The following HDAC1 variants were observed in gnomAD, a reference collection of about 807,000 sequenced individuals.
The protein encoded by HDAC1 is protein deacetylase HDAC1.
HDAC1 carries 18 observed loss-of-function variants against 65.5 expected under a neutral mutation model. The ratio of observed to expected loss-of-function variants is 0.27; its 90% confidence interval spans 0.19 to 0.41. The LOEUF is 0.41. Ranked by LOEUF, HDAC1 falls within the 10% of genes least tolerant of loss-of-function variation. The pLI is 1.00. For synonymous variants in HDAC1, 211 were observed against 227.9 expected (o/e 0.93, Z 0.67); for missense variants, 373 against 625.2 (o/e 0.60, Z 4.30).
chr1:32,300,929 A>G (rs1640838863), intron 1 of HDAC1, among the ~76,000 whole-genome samples: 1 of 152,232 alleles, frequency 6.6e-6, no homozygotes, highest in South Asian at 2.1e-4. Context: ...ACAGCCATAG[A>G]GGAACTGTAA....
Position 32,329,260 on chromosome 1 carries a change from T to A in HDAC1, c.729+100T>A. ...CCATACCTCAGGAATCTCTCCTTAC[T>A]AAAGCTGGTGGGGAGATAGAAGTGT... On this transcript the variant is annotated intron_variant, in intron 7 of 13. Coordinates refer to ENST00000373548, the MANE Select transcript of HDAC1 (RefSeq NM_004964.3). The surrounding 1 kb of genome is among the most constrained non-coding windows in gnomAD (Gnocchi z 4.1). 1 of 786,620 alleles carries A rather than the reference T, an allele frequency of 1.3e-6. No individual in the cohort carries two copies. The highest frequency in any genetic ancestry group is 2.3e-6 in the Non-Finnish European group (1 of 434,212). The allele number at this position is 786,620 out of a possible 1,614,324, so 48.7% of individuals were successfully genotyped here.
intron 3 of HDAC1, among the ~76,000 whole-genome samples, chr1:32,321,746 C>T (rs995611963): frequency 5.9e-5 from 9 of 151,422 alleles, no homozygotes; most frequent in African/African-American, 2.2e-4. Flanking sequence ...TTTTTTCTCA[C>T]GTCCAAAACA....
intron 1 of HDAC1, among the ~76,000 whole-genome samples, chr1:32,297,900 C>T (rs1640790912): frequency 6.7e-6 from 1 of 149,212 alleles, no homozygotes; most frequent in Non-Finnish European, 1.5e-5. Flanking sequence ...CGCCATTCTC[C>T]TGCCTCAGCC....
chr1:32,318,516 T>C (rs1033500246), intron 3 of HDAC1, among the ~76,000 whole-genome samples: 1 of 151,806 alleles, frequency 6.6e-6, no homozygotes, highest in Non-Finnish European at 1.5e-5. Context: ...TGAGCCATGA[T>C]TGTACTACTG....
At chr1:32,319,853 T>A (rs1317729554) in intron 3 of HDAC1, among the ~76,000 whole-genome samples, 1 of 151,968 alleles carries the variant, frequency 6.6e-6, no homozygotes, top group African/African-American at 2.4e-5. Context: ...AGGGCTGCAT[T>A]GAGGTATGGT....
chr1:32,320,071 T>C (rs1264823635), intron 3 of HDAC1, among the ~76,000 whole-genome samples: 1 of 151,884 alleles, frequency 6.6e-6, no homozygotes, highest in African/African-American at 2.4e-5. Context: ...TTACAAAAAA[T>C]TAGCCGGACG....
Position 32,330,967 on chromosome 1 carries a change from T to C in HDAC1, c.979+59T>C. ...GGTGGGAGCTGGAGCTCATCTGTCC[T>C]TAAGTTTATAACCCCTTCCCCGTTG... On this transcript the variant is annotated intron_variant, in intron 9 of 13. Transcript: ENST00000373548. This position sits in a 1 kb window ranked among gnomAD's most constrained non-coding sequence, Gnocchi z 4.2. 1.3e-6 allele frequency: 2 copies of C among 1,570,910 alleles called. No individual in the cohort carries two copies. The highest frequency in any genetic ancestry group is 1.8e-6 in the Non-Finnish European group (2 of 1,142,212).
At chr1:32,309,457 C>T (rs1209673974) in intron 2 of HDAC1, among the ~76,000 whole-genome samples, 1 of 152,096 alleles carries the variant, frequency 6.6e-6, no homozygotes, top group Non-Finnish European at 1.5e-5. Context: ...GAGGCCGAGG[C>T]AGGCGGATCA....
intron 3 of HDAC1, among the ~76,000 whole-genome samples, chr1:32,318,635 A>T (rs1215043371): frequency 6.6e-6 from 1 of 152,054 alleles, no homozygotes; most frequent in East Asian, 1.9e-4. Flanking sequence ...AATATATATA[A>T]TATGTCTACC....
At position 32,316,776 on chromosome 1, in the gene HDAC1, C is replaced by G; in HGVS notation, c.274C>G (p.Gln92Glu). The change falls in exon 3 of 14, where the codon CAG becomes GAG. Residue 92 changes from glutamine to glutamate, a missense_variant. Coordinates refer to ENST00000373548, the MANE Select transcript of HDAC1 (RefSeq NM_004964.3). ...CATGTCGGAGTACAGCAAGCAGATG[C>G]AGAGATGTAAGTCCATTCTGTTCCC... ...DNMSEYSKQMQRFNVGEDCPV... is the reference protein window; with the variant it reads ...DNMSEYSKQMERFNVGEDCPV... 1 of 1,593,316 alleles carries G rather than the reference C, an allele frequency of 6.3e-7. No individual in the cohort carries two copies. Among genetic ancestry groups the G allele is most frequent in the Non-Finnish European group, 8.6e-7 (1 of 1,161,054 alleles).
intron 2 of HDAC1, among the ~76,000 whole-genome samples, chr1:32,315,820 G>A (rs891719327): frequency 6.0e-5 from 9 of 149,102 alleles, no homozygotes; most frequent in African/African-American, 2.2e-4. Flanking sequence ...ACAAAAATTA[G>A]CCAGCGTCGT....
At chr1:32,292,273 T>A (rs1640708597) in intron 1 of HDAC1, 55 bp downstream of exon 1, 5 of 1,544,438 alleles carry the variant, frequency 3.2e-6, no homozygotes. Flanking sequence ...ACCGGGAACC[T>A]GGAGGCTGAG....
At chr1:32,319,936 GC>G (rs1160871027) in intron 3 of HDAC1, among the ~76,000 whole-genome samples, 1 of 151,720 alleles carries the variant, frequency 6.6e-6, no homozygotes, top group African/African-American at 2.4e-5. Context: ...AACACACATG[GC>G]CAGGCGTGGT....
At chr1:32,303,969 A>G (rs1640881093) in intron 2 of HDAC1, among the ~76,000 whole-genome samples, 1 of 152,222 alleles carries the variant, frequency 6.6e-6, no homozygotes, top group Non-Finnish European at 1.5e-5. Flanking sequence ...AATGGTTCCC[A>G]GTTTTAACCT....
rs571270334 is a variant in HDAC1, at chr1:32,313,073, CTTATT to C, written c.163-3580_163-3576del. Among the ~76,000 whole-genome samples, 665 of 150,118 alleles carry C rather than the reference CTTATT, an allele frequency of 4.4e-3. 5 individuals are homozygous for C. Among genetic ancestry groups the C allele is most frequent in the African/African-American group, 0.015 (609 of 41,268 alleles). On this transcript the variant is annotated intron_variant, in intron 2 of 13. Coordinates refer to ENST00000373548, the MANE Select transcript of HDAC1 (RefSeq NM_004964.3). ...CTGGCCTGGAGAGATTGCCCAATAA[CTTATT>C]TTATTTTATTTATTTATTTATTTAT...
At chr1:32,311,681 T>C (rs546530948) in intron 2 of HDAC1, among the ~76,000 whole-genome samples, 1 of 151,976 alleles carries the variant, frequency 6.6e-6, no homozygotes, top group South Asian at 2.1e-4. Flanking sequence ...TCAGCCTGAG[T>C]GGATGTTGGT....
intron 3 of HDAC1, 54 bp from the exon 4 acceptor site, chr1:32,324,425 A>G: frequency 8.2e-7 from 1 of 1,221,636 alleles, no homozygotes; most frequent in Admixed American, 1.7e-5. Flanking sequence ...CAGCTCATAA[A>G]TATGTAAACT....
chr1:32,311,117 TTGG>T (rs1381837685), intron 2 of HDAC1, among the ~76,000 whole-genome samples: 1 of 151,830 alleles, frequency 6.6e-6, no homozygotes, highest in Non-Finnish European at 1.5e-5. Context: ...AGATAATACA[TTGG>T]TGGTAGTTTC....
intron 4 of HDAC1, 42 bp from the exon 5 acceptor site, chr1:32,326,897 G>C (rs1396466780): frequency 6.2e-7 from 1 of 1,607,092 alleles, no homozygotes; most frequent in Non-Finnish European, 8.5e-7. Context: ...GAAGGGGAGA[G>C]TGGCTTAGTA....
Sources: allele counts gnomAD v4.1 joint callset (sites outside exome capture counted in the v4.1 genomes callset), GRCh38; gene constraint gnomAD v4.1.1; non-coding constraint Gnocchi (gnomAD v3.1); transcripts MANE v1.5; gene names NCBI Gene and HGNC (gene_info 2026-07-23, HGNC 2026-07-21).